The following MUC20 variants were observed in gnomAD, a reference collection of about 807,000 sequenced individuals.
MUC20 encodes the protein mucin-20.
Under a neutral mutation model 23.8 loss-of-function variants are expected in MUC20, and 14 were observed. The ratio of observed to expected loss-of-function variants is 0.59; its 90% CI spans 0.39 to 0.92. The LOEUF is 0.92. Among genes scored for constraint, MUC20 ranks in the 40% least tolerant of loss-of-function variants. MUC20 has a pLI of 0.00. For missense variants in MUC20, 375 were observed against 668.8 expected, an observed-to-expected ratio of 0.56 and a Z score of 4.85; for synonymous variants, 166 against 279.3, an observed-to-expected ratio of 0.59 and a Z score of 4.04.
Position 195,725,796 on chromosome 3 carries a change from C to T in MUC20, c.1193C>T (p.Pro398Leu). 6.4e-7 allele frequency: 1 copy of T among 1,550,670 alleles called. No individual in the cohort carries two copies. Among genetic ancestry groups the T allele is most frequent in the Non-Finnish European group, 8.8e-7 (1 of 1,136,292 alleles). ...GACGGCCCCCATCCAGTCATCACCC[C>T]CTCATGGTCCCCGGGATCTGACGTC... ...SSDGPHPVITPSWSPGSDVTL... is the reference protein window; with the variant it reads ...SSDGPHPVITLSWSPGSDVTL... The change falls in exon 2 of 4, where the codon CCC becomes CTC. Residue 398 changes from proline (P) to leucine (L), a missense_variant. Physicochemically the swap from Pro to Leu is moderately conservative, Grantham distance 98. Around this residue, in one of 4 missense-constraint regions of MUC20, gnomAD observed 17 missense variants for 71.0 expected, o/e 0.24. Transcript: ENST00000447234.
At chr3:195,727,841 A>G (rs1161641722) in intron 2 of MUC20, among the ~76,000 whole-genome samples, 4 of 140,778 alleles carry the variant, frequency 2.8e-5, no homozygotes, top group African/African-American at 1.3e-4. Flanking sequence ...GGCTTTGCAT[A>G]TGTTATCTGA....
chr3:195,732,235 T>C (rs1399917805), intron 3 of MUC20, among the ~76,000 whole-genome samples: 1 of 152,220 alleles, frequency 6.6e-6, no homozygotes, highest in African/African-American at 2.4e-5. Flanking sequence ...AGTCTTGAAC[T>C]CTTGACCTCA....
At chr3:195,727,034 G>T (rs1223504433) in intron 2 of MUC20, among the ~76,000 whole-genome samples, 8 of 152,296 alleles carry the variant, frequency 5.3e-5, no homozygotes, top group African/African-American at 1.7e-4. Context: ...TCTCTGACAG[G>T]CTGGGACCCC....
At chr3:195,730,773 G>A (rs1438743853) in intron 3 of MUC20, among the ~76,000 whole-genome samples, 2 of 152,226 alleles carry the variant, frequency 1.3e-5, no homozygotes, top group African/African-American at 2.4e-5. Context: ...AAAATAGGGA[G>A]GCTAGGCAGA....
At chr3:195,721,768 C>G (rs1253306845) in intron 1 of MUC20, 1 of 152,898 alleles carries the variant, frequency 6.5e-6, no homozygotes, top group East Asian at 1.9e-4. Flanking sequence ...TGGCTCACAC[C>G]TGTAATCCCA....
intron 2 of MUC20, 62 bp downstream of exon 2, chr3:195,726,634 G>C: frequency 6.5e-7 from 1 of 1,536,890 alleles, no homozygotes; most frequent in Non-Finnish European, 8.9e-7. Flanking sequence ...GGACGTCTCC[G>C]CACTTGAGGA....
chr3:195,728,882 G>A (rs537238512), intron 2 of MUC20, among the ~76,000 whole-genome samples: 22 of 152,276 alleles, frequency 1.4e-4, no homozygotes, highest in Non-Finnish European at 3.2e-4. Context: ...TAAACATTTT[G>A]TTAACAAGGC....
At position 195,726,329 on chromosome 3, in the gene MUC20, C is replaced by T. The variant is rs371697936; in HGVS notation, c.1726C>T (p.Pro576Ser). The change falls in exon 2 of 4, where the codon CCC becomes TCC. Residue 576 changes from proline to serine, a missense_variant. Physicochemically the swap from Pro to Ser is moderately conservative, Grantham distance 74. This residue lies in a region of MUC20 where 343 missense variants were observed against 340.2 expected (regional missense o/e 1.01). Coordinates refer to ENST00000447234, the MANE Select transcript of MUC20 (RefSeq NM_001282506.2). ...TGGGAGCTCTGCTTCCTCCTACAGCCCCTCGGAAGCCGCCCTCAAGAACTT... is the reference window on the plus strand; with the variant it reads ...TGGGAGCTCTGCTTCCTCCTACAGCTCCTCGGAAGCCGCCCTCAAGAACTT... ...FAGSSASSYSPSEAALKNFTP... is the reference protein window; with the variant it reads ...FAGSSASSYSSSEAALKNFTP... 517 of 1,613,832 alleles carry T rather than the reference C, an allele frequency of 3.2e-4. No individual in the cohort carries two copies. In the African/African-American group the frequency reaches 5.9e-3, roughly 18 times the overall value.
At chr3:195,728,455 A>G (rs1458868214) in intron 2 of MUC20, among the ~76,000 whole-genome samples, 3 of 152,288 alleles carry the variant, frequency 2.0e-5, no homozygotes, top group Admixed American at 6.5e-5. Context: ...TCTCCACCCA[A>G]ACATCTCAGC....
intron 3 of MUC20, chr3:195,729,983 C>T: frequency 1.9e-6 from 1 of 531,318 alleles, no homozygotes; most frequent in East Asian, 3.2e-5. Context: ...CCAGTTTCTT[C>T]TGGTCCTTGG....
intron 2 of MUC20, among the ~76,000 whole-genome samples, chr3:195,729,052 A>T (rs1047472917): frequency 6.6e-6 from 1 of 152,288 alleles, no homozygotes; most frequent in Non-Finnish European, 1.5e-5. Context: ...TTTCCTTTCT[A>T]CAGAGACACA....
In MUC20 at chr3:195,726,720, T is replaced by A. The variant is rs545882596; in HGVS notation, c.1969+148T>A. 35 of 1,021,770 alleles carry A rather than the reference T, an allele frequency of 3.4e-5. No individual in the cohort carries two copies. The East Asian group carries it at 6.8e-4, about 20-fold the overall frequency. The allele number at this position is 1,021,770 out of a possible 1,614,324, so 63.3% of individuals were successfully genotyped here. On this transcript the variant is annotated intron_variant, in intron 2 of 3. Coordinates refer to ENST00000447234, the MANE Select transcript of MUC20 (RefSeq NM_001282506.2). ...TGCCTCTTCGTGATCTTCTAGTGGT[T>A]CTTGGCGAAATCAGGAAAAGGCAGA...
intron 3 of MUC20, 95 bp downstream of exon 3, chr3:195,729,834 C>A: frequency 8.1e-7 from 1 of 1,228,902 alleles, no homozygotes. Context: ...GAGCAGCTAC[C>A]GCGCTTGGAA....
intron 3 of MUC20, among the ~76,000 whole-genome samples, chr3:195,731,783 G>A (rs1363831981): frequency 5.9e-5 from 9 of 152,262 alleles, no homozygotes; most frequent in African/African-American, 9.6e-5. Flanking sequence ...GCCAGGGGAC[G>A]GGAAGAAGGG....
rs377685595 is a variant in MUC20, at chr3:195,732,639, C to T, written c.2062-511C>T. ...CTTCCCAAAGCACTGGGATTATTGG[C>T]GTGAGCCACCGCACCCGGCCGGGAA... On this transcript the variant is annotated intron_variant, in intron 3 of 3. Coordinates refer to ENST00000447234, the MANE Select transcript of MUC20 (RefSeq NM_001282506.2). 1.5e-4 allele frequency among the ~76,000 whole-genome samples: 23 copies of T among 152,092 alleles called. No homozygotes were observed. The East Asian group carries it at 2.6e-3, about 17-fold the overall frequency.
intron 1 of MUC20, chr3:195,722,238 A>C: frequency 1.0e-6 from 1 of 971,904 alleles, no homozygotes; most frequent in Admixed American, 6.2e-5. Context: ...CCACTGCTTT[A>C]AGGGTGAGGC....
rs1202733650 is a variant in MUC20, at chr3:195,723,960, T to A, written c.77-720T>A. ...TCTGGGCAGAAGTGCTGGCAGCCGC[T>A]CTCTGAAAAGCTAGGTGTTGCCTCA... On this transcript the variant is annotated intron_variant, in intron 1 of 3. Transcript: ENST00000447234. Among the ~76,000 whole-genome samples the A allele has an allele frequency of 2.9e-4, 8 of 27,378 alleles. 4 individuals are homozygous for A. The highest frequency in any genetic ancestry group is 5.0e-4 in the Non-Finnish European group (8 of 15,950). The allele number at this position is 27,378 out of a possible 152,430, so 18.0% of individuals were successfully genotyped here. A position where few individuals can be genotyped will look rare whatever the true frequency, so the allele number is the denominator to read the frequency against.
chr3:195,723,144 A>G (rs1452792836), intron 1 of MUC20, among the ~76,000 whole-genome samples: 1 of 151,482 alleles, frequency 6.6e-6, no homozygotes, highest in Non-Finnish European at 1.5e-5. Context: ...TCAGGATTTG[A>G]ACCAGCAGAT....
intron 3 of MUC20, among the ~76,000 whole-genome samples, chr3:195,731,346 A>G (rs1268014262): frequency 2.0e-5 from 3 of 152,246 alleles, no homozygotes; most frequent in Admixed American, 6.5e-5. Context: ...CAGGCTGGAC[A>G]GGTGGAATGA....
Sources: gnomAD v4.1 joint callset for allele counts (sites outside exome capture counted in the v4.1 genomes callset) on GRCh38, gnomAD v4.1.1 for gene constraint, gnomAD v4.1.1 regional missense constraint, MANE v1.5 for transcripts, NCBI Gene and HGNC (gene_info 2026-07-23, HGNC 2026-07-21) for gene names.